DCC: variants seen among roughly 807,000 people sequenced by gnomAD.
DCC encodes the protein netrin receptor DCC.
A neutral mutation model predicts 172.5 loss-of-function variants in DCC; 58 were observed. The observed-to-expected ratio is 0.34, with a 90% confidence interval of 0.27 to 0.42. The LOEUF is 0.42. Among genes scored for constraint, DCC ranks in the 10% least tolerant of loss-of-function variants. The pLI is 1.00. For synonymous variants in DCC, 709 were observed against 644.5 expected (o/e 1.10, Z -1.52); for missense variants, 1,740 against 1,791.0 (o/e 0.97, Z 0.51).
intron 2 of DCC, among the ~76,000 whole-genome samples, chr18:52,846,647 A>ACACACACACACT (rs745471962): frequency 2.1e-5 from 3 of 144,178 alleles, no homozygotes; most frequent in African/African-American, 7.6e-5. Context: ...ACACACACAC[A>ACACACACACACT]CACACTTGGG....
chr18:52,443,301 T>C (rs755113135), intron 1 of DCC, among the ~76,000 whole-genome samples: 5 of 152,158 alleles, frequency 3.3e-5, no homozygotes, highest in Admixed American at 6.5e-5. Context: ...TAAATAAATA[T>C]TGAGGAGCCC....
At chr18:53,506,715 G>A (rs898926736) in intron 27 of DCC, among the ~76,000 whole-genome samples, 36 of 151,936 alleles carry the variant, frequency 2.4e-4, no homozygotes, top group Admixed American at 2.6e-4. Context: ...AAAATTAGCC[G>A]GGCATGGTGT....
chr18:52,946,752 C>T (rs1439708141), intron 5 of DCC, among the ~76,000 whole-genome samples: 1 of 152,146 alleles, frequency 6.6e-6, no homozygotes, highest in Non-Finnish European at 1.5e-5. Context: ...TTCCACCCAC[C>T]TTGAAAACTT....
chr18:53,304,603 C>T (rs56291455), intron 12 of DCC, among the ~76,000 whole-genome samples: 1 of 151,826 alleles, frequency 6.6e-6, no homozygotes, highest in South Asian at 2.1e-4. Flanking sequence ...GCTACCAACA[C>T]CTCCAAGGTC....
chr18:52,961,063 A>G (rs1162807181), intron 5 of DCC, among the ~76,000 whole-genome samples: 2 of 152,094 alleles, frequency 1.3e-5, no homozygotes, highest in Non-Finnish European at 2.9e-5. Context: ...ATGATACAGC[A>G]TTTACTAAAT....
chr18:53,174,813 C>T (rs1220733379), intron 8 of DCC, among the ~76,000 whole-genome samples: 1 of 151,756 alleles, frequency 6.6e-6, no homozygotes, highest in African/African-American at 2.4e-5. Flanking sequence ...GGAATCCTCC[C>T]TAACTCTTTT....
intron 1 of DCC, among the ~76,000 whole-genome samples, chr18:52,496,543 C>T (rs1211307479): frequency 6.6e-6 from 1 of 152,092 alleles, no homozygotes; most frequent in Non-Finnish European, 1.5e-5. Context: ...TAGACAGTTG[C>T]ACATTTGTAG....
At chr18:52,787,666 T>C (rs1233058976) in intron 2 of DCC, among the ~76,000 whole-genome samples, 2 of 152,084 alleles carry the variant, frequency 1.3e-5, no homozygotes, top group East Asian at 1.9e-4. Context: ...TTCTGAGCCA[T>C]CCAGAAATCC....
intron 7 of DCC, among the ~76,000 whole-genome samples, chr18:53,091,847 C>A (rs377262346): frequency 1.6e-4 from 9 of 55,662 alleles, no homozygotes; most frequent in African/African-American, 8.8e-4. Context: ...ATCTATCTAT[C>A]TATCAATCTA....
chr18:52,536,656 A>G (rs1056729134), intron 1 of DCC, among the ~76,000 whole-genome samples: 2 of 152,110 alleles, frequency 1.3e-5, no homozygotes, highest in Admixed American at 6.6e-5. Context: ...TTAATCACAT[A>G]CCTAAACCTT....
At chr18:53,303,032 G>A (rs2057158998) in intron 12 of DCC, among the ~76,000 whole-genome samples, 1 of 152,090 alleles carries the variant, frequency 6.6e-6, no homozygotes, top group South Asian at 2.1e-4. Flanking sequence ...GTTTTATTGG[G>A]AAAGGGGTCA....
intron 12 of DCC, among the ~76,000 whole-genome samples, chr18:53,224,666 A>G (rs186401410): frequency 5.3e-5 from 8 of 152,274 alleles, no homozygotes; most frequent in African/African-American, 1.7e-4. Flanking sequence ...TGCTGGATCT[A>G]GAGCCAACAA....
At chr18:53,417,356 G>A (rs9807387) in intron 21 of DCC, among the ~76,000 whole-genome samples, 1 of 151,944 alleles carries the variant, frequency 6.6e-6, no homozygotes, top group Non-Finnish European at 1.5e-5. Context: ...CACAGCAATG[G>A]CTACTCAGGG....
At chr18:53,359,739 T>A (rs538897281) in intron 15 of DCC, among the ~76,000 whole-genome samples, 3 of 152,172 alleles carry the variant, frequency 2.0e-5, no homozygotes, top group African/African-American at 7.2e-5. Flanking sequence ...CTGCCCTACC[T>A]CTTGGTCTCT....
intron 2 of DCC, among the ~76,000 whole-genome samples, chr18:52,823,388 A>G (rs1313694107): frequency 6.6e-6 from 1 of 152,208 alleles, no homozygotes; most frequent in Non-Finnish European, 1.5e-5. Flanking sequence ...TTTACTTCAT[A>G]TGATGAAAAG....
At chr18:52,887,195 T>C (rs2039582207) in intron 2 of DCC, among the ~76,000 whole-genome samples, 1 of 152,224 alleles carries the variant, frequency 6.6e-6, no homozygotes, top group African/African-American at 2.4e-5. Flanking sequence ...TTGTAGATTC[T>C]TTGTGCTTTT....
At chr18:52,741,612 AC>A (rs1197538194) in intron 1 of DCC, among the ~76,000 whole-genome samples, 2 of 152,114 alleles carry the variant, frequency 1.3e-5, no homozygotes, top group African/African-American at 4.8e-5. Flanking sequence ...CATAAATTGG[AC>A]CTTTTTGCTC....
rs9947705 is a variant in DCC, at chr18:53,008,831, A to G, written c.986-54474A>G. Among the ~76,000 whole-genome samples, 139 of 152,154 alleles carry G rather than the reference A, an allele frequency of 9.1e-4. 1 individual carries two copies. Among genetic ancestry groups the G allele is most frequent in the African/African-American group, 3.2e-3 (132 of 41,590 alleles). On this transcript the variant is annotated intron_variant, in intron 5 of 28. Coordinates refer to ENST00000442544, the MANE Select transcript of DCC (RefSeq NM_005215.4). Reference sequence around the variant, plus strand: ...TTCAGAAAGCAAAAGCAATAGTAGCACTGGTTTTTAAACAGGTTACAAATG... The same window carrying G: ...TTCAGAAAGCAAAAGCAATAGTAGCGCTGGTTTTTAAACAGGTTACAAATG...
chr18:52,548,526 T>C (rs1449819672), intron 1 of DCC, among the ~76,000 whole-genome samples: 1 of 152,112 alleles, frequency 6.6e-6, no homozygotes, highest in South Asian at 2.1e-4. Flanking sequence ...AGGCTGGTTA[T>C]ATATCCAGTT....
Sources: gnomAD v4.1 joint callset for allele counts (sites outside exome capture counted in the v4.1 genomes callset) on GRCh38, gnomAD v4.1.1 for gene constraint, MANE v1.5 for transcripts, NCBI Gene and HGNC (gene_info 2026-07-23, HGNC 2026-07-21) for gene names.